TPTE: variants seen among roughly 807,000 people sequenced by gnomAD.
The protein encoded by TPTE is transmembrane phosphatase with tensin homology.
In TPTE, 59 loss-of-function variants were observed where a neutral mutation model predicts 84.1. The ratio of observed to expected loss-of-function variants is 0.70; its 90% confidence interval spans 0.57 to 0.87. The LOEUF (loss-of-function observed/expected upper bound fraction) is 0.87. Ranked by LOEUF, TPTE falls within the 40% of genes least tolerant of loss-of-function variation. The pLI is 0.00. For missense variants in TPTE, 382 were observed against 659.6 expected, an observed-to-expected ratio of 0.58 and a Z score of 4.61; for synonymous variants, 130 against 223.5, an observed-to-expected ratio of 0.58 and a Z score of 3.73.
At chr21:10,566,224 A>G (rs1372049569) in intron 10 of TPTE, among the ~76,000 whole-genome samples, 3 of 152,308 alleles carry the variant, frequency 2.0e-5, no homozygotes. Context: ...CTCAAAATAT[A>G]CAGATGGTAA....
At position 10,590,460 on chromosome 21, in the gene TPTE, A is replaced by T; in HGVS notation, c.1028-2A>T. On this transcript the variant is annotated splice_acceptor_variant, in intron 17 of 23. Transcript: ENST00000618007. LOFTEE classifies it high-confidence loss of function. ...CTTGAACTAACTTCTTTTCTTTTCTAGATAGAACAGGAACTATGGTTTGTG... is the reference window on the plus strand; with the variant it reads ...CTTGAACTAACTTCTTTTCTTTTCTTGATAGAACAGGAACTATGGTTTGTG... 6.2e-7 allele frequency: 1 copy of T among 1,614,080 alleles called. No individual in the cohort carries two copies. Among genetic ancestry groups the T allele is most frequent in the Non-Finnish European group, 8.5e-7 (1 of 1,179,910 alleles).
Position 10,595,850 on chromosome 21 carries a change from A to G in TPTE, c.1171-132A>G. 5 of 1,214,424 alleles carry G rather than the reference A, an allele frequency of 4.1e-6. No homozygotes were observed. The South Asian group carries it at 7.2e-5, about 17-fold the overall frequency. The allele number at this position is 1,214,424 out of a possible 1,614,324, so 75.2% of individuals were successfully genotyped here. A position where few individuals can be genotyped will look rare whatever the true frequency, so the allele number is the denominator to read the frequency against. ...GCAGCATCCCTAAAAATATCTAGTT[A>G]TATTATGGCATCCAGTAAATGTTTC... On this transcript the variant is annotated intron_variant, in intron 19 of 23. Transcript: ENST00000618007.
chr21:10,524,181 C>T (rs1392079647), intron 1 of TPTE, among the ~76,000 whole-genome samples: 3 of 152,424 alleles, frequency 2.0e-5, no homozygotes, highest in East Asian at 1.9e-4. Flanking sequence ...CAAGGGAGTC[C>T]CATCCCATCC....
chr21:10,591,032 A>G (rs2075464957), intron 18 of TPTE, among the ~76,000 whole-genome samples: 1 of 152,310 alleles, frequency 6.6e-6, no homozygotes, highest in Non-Finnish European at 1.5e-5. Flanking sequence ...AATAGTATCA[A>G]GCTTAATTAG....
chr21:10,594,538 C>T (rs560290303), intron 19 of TPTE, among the ~76,000 whole-genome samples: 16 of 152,388 alleles, frequency 1.0e-4, no homozygotes, highest in African/African-American at 2.6e-4. Context: ...GAGAAGGAAG[C>T]GTGGGAGCAC....
intron 8 of TPTE, among the ~76,000 whole-genome samples, chr21:10,557,436 C>T (rs1310857917): frequency 1.3e-5 from 2 of 152,308 alleles, no homozygotes; most frequent in Non-Finnish European, 2.9e-5. Context: ...CTTCTTCATG[C>T]CTTCATAATC....
chr21:10,544,288 G>A (rs868313561), intron 7 of TPTE, among the ~76,000 whole-genome samples: 1 of 152,310 alleles, frequency 6.6e-6, no homozygotes, highest in Non-Finnish European at 1.5e-5. Flanking sequence ...TAGCATGTGA[G>A]TTTTGTATGT....
chr21:10,598,916 C>T (rs2075639795), intron 21 of TPTE, among the ~76,000 whole-genome samples: 1 of 152,308 alleles, frequency 6.6e-6, no homozygotes, highest in African/African-American at 2.4e-5. Context: ...TCACCCAGGC[C>T]TGACCCTTGG....
intron 3 of TPTE, among the ~76,000 whole-genome samples, chr21:10,532,731 C>G (rs937955973): frequency 6.6e-6 from 1 of 152,302 alleles, no homozygotes; most frequent in East Asian, 1.9e-4. Context: ...CGTGATTTCC[C>G]TTTTAACATA....
rs1470857991 is a variant in TPTE, at chr21:10,521,666, CG to C, written c.-237del. ...GCGCCCCGGCGGCTCTAGGGACCCC[CG>C]GCGCCTACACTTAGCTCCGCGCCCG... On this transcript the variant is annotated 5_prime_UTR_variant, in exon 1 of 24. Coordinates refer to ENST00000618007, the MANE Select transcript of TPTE (RefSeq NM_199261.4). 1 of 154,604 alleles carries C rather than the reference CG, an allele frequency of 6.5e-6. No individual in the cohort carries two copies. The highest frequency in any genetic ancestry group is 1.4e-5 in the Non-Finnish European group (1 of 70,078). The allele number at this position is 154,604 out of a possible 1,614,324, so 9.6% of individuals were successfully genotyped here. A position where few individuals can be genotyped will look rare whatever the true frequency, so the allele number is the denominator to read the frequency against.
intron 17 of TPTE, among the ~76,000 whole-genome samples, chr21:10,589,059 T>C (rs113227925): frequency 9.3e-3 from 1,392 of 149,740 alleles, no homozygotes; most frequent in African/African-American, 0.034. Flanking sequence ...GCAGTGTCAC[T>C]ACATTCAGAT....
At chr21:10,540,709 A>C in intron 4 of TPTE, 1 of 519,518 alleles carries the variant, frequency 1.9e-6, no homozygotes, top group Non-Finnish European at 3.8e-6. Context: ...CTTGGCCGCA[A>C]CTCTTGGGCA....
At chr21:10,564,168 A>T (rs1335267688) in intron 10 of TPTE, among the ~76,000 whole-genome samples, 1 of 152,386 alleles carries the variant, frequency 6.6e-6, no homozygotes, top group African/African-American at 2.4e-5. Flanking sequence ...TAAATAAAAT[A>T]AAAAAACCCA....
At chr21:10,587,061 C>T (rs2075379500) in intron 17 of TPTE, among the ~76,000 whole-genome samples, 1 of 152,428 alleles carries the variant, frequency 6.6e-6, no homozygotes, top group Non-Finnish European at 1.5e-5. Context: ...AATGCTTTTT[C>T]CTGCATTAAT....
intron 23 of TPTE, 58 bp from the exon 24 acceptor site, chr21:10,605,359 C>CTGT: frequency 6.3e-7 from 1 of 1,593,338 alleles, no homozygotes; most frequent in Non-Finnish European, 8.6e-7. Context: ...GGGTACCCAA[C>CTGT]TGTGTGGCTT....
rs367574138 is a variant in TPTE, at chr21:10,554,522, C to T, written c.233+1806C>T. 6.6e-3 allele frequency among the ~76,000 whole-genome samples: 998 copies of T among 151,972 alleles called. No individual in the cohort carries two copies. In the East Asian group the frequency reaches 0.089, roughly 13 times the overall value. ...TTCTAATGCATGTTCTTTGACACACCTTCATTTATCCTTTTCTGTCTTTGG... is the reference window on the plus strand; with the variant it reads ...TTCTAATGCATGTTCTTTGACACACTTTCATTTATCCTTTTCTGTCTTTGG... On this transcript the variant is annotated intron_variant, in intron 8 of 23. Transcript: ENST00000618007.
At position 10,541,112 on chromosome 21, in the gene TPTE, T is replaced by G. The variant is rs1288786195; in HGVS notation, c.12T>G (p.Ser4Arg). The change falls in exon 5 of 24, where the codon AGT becomes AGG. Residue 4 changes from serine to arginine, a missense_variant and splice_region_variant. Ser to Arg is a moderately radical substitution (Grantham distance 110). This residue lies in a region of TPTE where 63 missense variants were observed against 49.5 expected (regional missense o/e 1.27). Transcript: ENST00000618007. The stretch of plus-strand genomic sequence containing the variant: ...GACTCTGACCATATTTGTCCTTTAG[T>G]CCTGATCCGACTGACCTGGCGGGAG... The part of the protein sequence containing the change: MNE[S>R]PDPTDLAGVI... The G allele has an allele frequency of 6.2e-7, 1 of 1,613,164 alleles. No individual in the cohort carries two copies. Among genetic ancestry groups the G allele is most frequent in the African/African-American group, 1.3e-5 (1 of 75,050 alleles).
intron 4 of TPTE, among the ~76,000 whole-genome samples, chr21:10,539,430 G>C (rs2074326746): frequency 6.6e-6 from 1 of 152,306 alleles, no homozygotes; most frequent in African/African-American, 2.4e-5. Flanking sequence ...TGGGTGAAAG[G>C]AAAGACTTGA....
intron 10 of TPTE, among the ~76,000 whole-genome samples, chr21:10,567,262 C>G (rs1424108543): frequency 7.2e-5 from 11 of 152,294 alleles, no homozygotes; most frequent in Non-Finnish European, 1.5e-4. Flanking sequence ...TTTGATAGCA[C>G]AACAGATTGA....
Sources: gnomAD v4.1 joint callset for allele counts (sites outside exome capture counted in the v4.1 genomes callset) on GRCh38, gnomAD v4.1.1 for gene constraint, gnomAD v4.1.1 regional missense constraint, MANE v1.5 for transcripts, NCBI Gene and HGNC (gene_info 2026-07-23, HGNC 2026-07-21) for gene names.